The following GMDS variants were observed in gnomAD, a reference collection of about 807,000 sequenced individuals.
The protein encoded by GMDS is GDP-mannose 4,6-dehydratase.
In GMDS, 20 loss-of-function variants were observed where a neutral mutation model predicts 49.9. The ratio of observed to expected loss-of-function variants is 0.40; its 90% CI spans 0.28 to 0.58. The LOEUF (loss-of-function observed/expected upper bound fraction) is 0.58, where lower values mean the gene tolerates loss of function less well. Ranked by LOEUF, GMDS falls within the 20% of genes least tolerant of loss-of-function variation. The pLI is 0.42. For missense variants in GMDS, 362 were observed against 481.4 expected, an observed-to-expected ratio of 0.75 and a Z score of 2.32; for synonymous variants, 177 against 178.6, an observed-to-expected ratio of 0.99 and a Z score of 0.07.
chr6:1,784,564 T>G (rs1769247821), intron 7 of GMDS, among the ~76,000 whole-genome samples: 1 of 151,962 alleles, frequency 6.6e-6, no homozygotes, highest in Admixed American at 6.5e-5. Context: ...CAGAGCAAAG[T>G]CTGGAGCTGA....
chr6:2,129,400 T>A (rs1775613913), intron 1 of GMDS, among the ~76,000 whole-genome samples: 1 of 152,130 alleles, frequency 6.6e-6, no homozygotes. Context: ...AAAGGGAACT[T>A]TCTTACATGC....
At chr6:1,951,999 T>C (rs1218912959) in intron 6 of GMDS, 1 of 979,920 alleles carries the variant, frequency 1.0e-6, no homozygotes, top group African/African-American at 1.8e-5. Context: ...AATTCGTATA[T>C]ATGTTATTTC....
intron 7 of GMDS, among the ~76,000 whole-genome samples, chr6:1,815,586 G>C (rs977695377): frequency 6.6e-6 from 1 of 152,056 alleles, no homozygotes; most frequent in African/African-American, 2.4e-5. Flanking sequence ...CTAAATTTTT[G>C]TTTTCTCCTT....
In GMDS at chr6:1,624,139, C is replaced by T; in HGVS notation, c.*30G>A. ...CCGGAGACTCTGCGGGGATTGTAGC[C>T]GGAGGGCGGGCCGGGCTCCGAGGCG... On this transcript the variant is annotated 3_prime_UTR_variant, in exon 11 of 11. Coordinates refer to ENST00000380815, the MANE Select transcript of GMDS (RefSeq NM_001500.4). The T allele has an allele frequency of 6.3e-7, 1 of 1,597,296 alleles. No homozygotes were observed. Among genetic ancestry groups the T allele is most frequent in the Non-Finnish European group, 8.5e-7 (1 of 1,173,604 alleles).
rs574157729 is a variant in GMDS at position 1,982,473 on chromosome 6, T to A, written c.346-21507A>T. The stretch of plus-strand genomic sequence containing the variant: ...TGTTTGCAGATGACATGATCCTGTA[T>A]CTAGAAAACCCCATTGTCTCAGCCC... On this transcript the variant is annotated intron_variant, in intron 4 of 10. Coordinates refer to ENST00000380815, the MANE Select transcript of GMDS (RefSeq NM_001500.4). 1.4e-3 allele frequency among the ~76,000 whole-genome samples: 212 copies of A among 152,268 alleles called. 1 individual carries two copies. Among genetic ancestry groups the A allele is most frequent in the African/African-American group, 4.9e-3 (203 of 41,542 alleles).
intron 9 of GMDS, among the ~76,000 whole-genome samples, chr6:1,696,043 C>T (rs1765329913): frequency 6.6e-6 from 1 of 151,194 alleles, no homozygotes; most frequent in Admixed American, 6.6e-5. Flanking sequence ...GCCAAGTCAA[C>T]TCACACATAG....
intron 4 of GMDS, among the ~76,000 whole-genome samples, chr6:2,100,943 G>A (rs1194321573): frequency 1.3e-5 from 2 of 151,954 alleles, no homozygotes; most frequent in African/African-American, 2.4e-5. Context: ...AAGAATGCAA[G>A]AAAATGAGTA....
chr6:1,643,680 T>TC (rs1763403189), intron 9 of GMDS, among the ~76,000 whole-genome samples: 1 of 152,074 alleles, frequency 6.6e-6, no homozygotes, highest in Non-Finnish European at 1.5e-5. Flanking sequence ...TGCTAATGGT[T>TC]ATGGAGTTTT....
chr6:2,047,064 T>A (rs1236475727), intron 4 of GMDS, among the ~76,000 whole-genome samples: 2 of 152,180 alleles, frequency 1.3e-5, no homozygotes, highest in African/African-American at 4.8e-5. Context: ...CTGACTATAT[T>A]GAGTACAAAT....
chr6:2,099,959 G>A (rs1773830156), intron 4 of GMDS, among the ~76,000 whole-genome samples: 1 of 151,862 alleles, frequency 6.6e-6, no homozygotes, highest in Non-Finnish European at 1.5e-5. Flanking sequence ...AAACAAATTG[G>A]ACAATCATGA....
At chr6:1,709,922 GTTTTTGC>G (rs1286964758) in intron 9 of GMDS, among the ~76,000 whole-genome samples, 1 of 152,208 alleles carries the variant, frequency 6.6e-6, no homozygotes, top group Non-Finnish European at 1.5e-5. Context: ...TGGAGGAAGA[GTTTTTGC>G]TTCATGCAGC....
At chr6:2,122,757 C>A (rs1379949990) in intron 2 of GMDS, among the ~76,000 whole-genome samples, 1 of 152,156 alleles carries the variant, frequency 6.6e-6, no homozygotes, top group African/African-American at 2.4e-5. Context: ...CTCACATTTC[C>A]CCTGGACTAG....
At chr6:1,864,729 G>A (rs921986156) in intron 7 of GMDS, among the ~76,000 whole-genome samples, 4 of 152,178 alleles carry the variant, frequency 2.6e-5, no homozygotes, top group South Asian at 2.1e-4. Flanking sequence ...ACTGCCTATC[G>A]CCTAACAAAT....
chr6:1,668,182 T>C (rs1374169783), intron 9 of GMDS, among the ~76,000 whole-genome samples: 1 of 152,232 alleles, frequency 6.6e-6, no homozygotes, highest in African/African-American at 2.4e-5. Context: ...TACTTTTTTC[T>C]TTTTTTGCTT....
intron 8 of GMDS, among the ~76,000 whole-genome samples, chr6:1,742,000 C>A (rs184105895): frequency 6.6e-6 from 1 of 150,552 alleles, no homozygotes; most frequent in African/African-American, 2.4e-5. Flanking sequence ...CAGCTCACTG[C>A]AATCTCTGCC....
intron 7 of GMDS, among the ~76,000 whole-genome samples, chr6:1,824,254 A>G (rs116682223): frequency 0.015 from 2,262 of 152,198 alleles, 33 homozygotes; most frequent in Non-Finnish European, 0.024. Flanking sequence ...AGGGGCTGCA[A>G]TTCTTGTCAC....
intron 7 of GMDS, among the ~76,000 whole-genome samples, chr6:1,883,348 G>A (rs1406266957): frequency 6.6e-6 from 1 of 151,918 alleles, no homozygotes; most frequent in Non-Finnish European, 1.5e-5. Flanking sequence ...CCAAGATCGT[G>A]CCACTGCACT....
intron 4 of GMDS, among the ~76,000 whole-genome samples, chr6:2,060,672 A>T (rs918103748): frequency 6.6e-6 from 1 of 152,220 alleles, no homozygotes; most frequent in Non-Finnish European, 1.5e-5. Flanking sequence ...AGAGAAAAGG[A>T]TGAGGTATGA....
At chr6:2,193,301 T>C (rs1779130997) in intron 1 of GMDS, among the ~76,000 whole-genome samples, 1 of 152,252 alleles carries the variant, frequency 6.6e-6, no homozygotes, top group Non-Finnish European at 1.5e-5. Flanking sequence ...AAGTATGTGT[T>C]AAACAGGAAG....
Sources: allele counts gnomAD v4.1 joint callset (sites outside exome capture counted in the v4.1 genomes callset), GRCh38; gene constraint gnomAD v4.1.1; transcripts MANE v1.5; gene names NCBI Gene and HGNC (gene_info 2026-07-23, HGNC 2026-07-21).